The following RGS7 variants were observed in gnomAD, a reference collection of about 807,000 sequenced individuals.
The protein encoded by RGS7 is regulator of G protein signaling 7, also known as regulator of G-protein signaling 7.
A neutral mutation model predicts 81.1 loss-of-function variants in RGS7; 27 were observed. That is an observed-to-expected ratio of 0.33 (90% confidence interval 0.25 to 0.46). The LOEUF (loss-of-function observed/expected upper bound fraction) is 0.46. Among genes scored for constraint, RGS7 ranks in the 20% least tolerant of loss-of-function variants. The pLI is 1.00. For missense variants in RGS7, 396 were observed against 607.4 expected, an observed-to-expected ratio of 0.65 and a Z score of 3.66; for synonymous variants, 208 against 207.7, an observed-to-expected ratio of 1.00 and a Z score of -0.01.
chr1:241,003,814 T>C (rs962881623), intron 3 of RGS7, among the ~76,000 whole-genome samples: 1 of 152,126 alleles, frequency 6.6e-6, no homozygotes, highest in Admixed American at 6.5e-5. Flanking sequence ...AGTAGCACAA[T>C]CTCGGCTCAC....
At chr1:241,080,384 C>A (rs2063064955) in intron 3 of RGS7, among the ~76,000 whole-genome samples, 1 of 151,570 alleles carries the variant, frequency 6.6e-6, no homozygotes, top group African/African-American at 2.4e-5. Context: ...GCTAAGAATT[C>A]AAAAAATACC....
chr1:241,030,373 T>TATATATAC (rs374223475), intron 3 of RGS7, among the ~76,000 whole-genome samples: 11 of 135,238 alleles, frequency 8.1e-5, no homozygotes, highest in Admixed American at 3.0e-4. Context: ...TATATATATA[T>TATATATAC]ACATACACAC....
At chr1:240,880,699 C>T (rs1666221385) in intron 6 of RGS7, among the ~76,000 whole-genome samples, 1 of 152,198 alleles carries the variant, frequency 6.6e-6, no homozygotes, top group South Asian at 2.1e-4. Context: ...AGCCCTCATG[C>T]ATCAATATGG....
chr1:240,822,798 C>T (rs1284862270), intron 10 of RGS7, among the ~76,000 whole-genome samples: 2 of 152,044 alleles, frequency 1.3e-5, no homozygotes, highest in Non-Finnish European at 2.9e-5. Flanking sequence ...TGCTATGATA[C>T]GATGGCCTTA....
chr1:240,912,698 C>T (rs1429872949), intron 6 of RGS7, among the ~76,000 whole-genome samples: 2 of 151,990 alleles, frequency 1.3e-5, no homozygotes, highest in Non-Finnish European at 2.9e-5. Flanking sequence ...ATAAAGCAAT[C>T]ATTCCTTCCT....
chr1:241,180,511 G>A (rs1261053137), intron 2 of RGS7, among the ~76,000 whole-genome samples: 1 of 152,180 alleles, frequency 6.6e-6, no homozygotes, highest in African/African-American at 2.4e-5. Flanking sequence ...TATTTTATGT[G>A]AGAAACCCAC....
chr1:241,356,815 C>G (rs2083610626), intron 1 of RGS7, 84 bp downstream of exon 1: 1 of 150,366 alleles, frequency 6.7e-6, no homozygotes, highest in South Asian at 2.1e-4. Context: ...GCTCCCGCTG[C>G]GCAGAGCGAG....
At chr1:241,020,087 T>C (rs2059464046) in intron 3 of RGS7, among the ~76,000 whole-genome samples, 1 of 152,234 alleles carries the variant, frequency 6.6e-6, no homozygotes, top group Non-Finnish European at 1.5e-5. Flanking sequence ...AATCTCTATG[T>C]GCATTAGTTT....
chr1:241,033,906 C>A (rs906489646), intron 3 of RGS7, among the ~76,000 whole-genome samples: 1 of 151,856 alleles, frequency 6.6e-6, no homozygotes, highest in African/African-American at 2.4e-5. Context: ...AAAAAAGGAA[C>A]CTTACCACAG....
chr1:240,834,916 C>CCA (rs67071227), intron 9 of RGS7, among the ~76,000 whole-genome samples: 4,689 of 144,532 alleles, frequency 0.032, 88 homozygotes, highest in East Asian at 0.059. Context: ...ACCTTACACT[C>CCA]CACACACACA....
chr1:241,072,765 T>C (rs1431142099), intron 3 of RGS7, among the ~76,000 whole-genome samples: 1 of 152,108 alleles, frequency 6.6e-6, no homozygotes, highest in East Asian at 1.9e-4. Context: ...AGCCAGGTAA[T>C]ATGCACACGA....
At chr1:240,879,011 C>T (rs947310535) in intron 6 of RGS7, among the ~76,000 whole-genome samples, 9 of 152,066 alleles carry the variant, frequency 5.9e-5, no homozygotes, top group Non-Finnish European at 8.8e-5. Context: ...AGGGTTGTGG[C>T]GATAGGCACA....
At chr1:241,323,043 G>A (rs1204988989) in intron 2 of RGS7, among the ~76,000 whole-genome samples, 2 of 151,844 alleles carry the variant, frequency 1.3e-5, no homozygotes. Context: ...ATCTTATTAA[G>A]GCAGAAAATA....
At chr1:241,209,202 C>A (rs1361777734) in intron 2 of RGS7, among the ~76,000 whole-genome samples, 1 of 152,176 alleles carries the variant, frequency 6.6e-6, no homozygotes, top group Non-Finnish European at 1.5e-5. Context: ...CCACTTTTAA[C>A]AGTGCTTTGA....
At chr1:240,985,694 T>C (rs1685554033) in intron 3 of RGS7, among the ~76,000 whole-genome samples, 1 of 152,060 alleles carries the variant, frequency 6.6e-6, no homozygotes, top group South Asian at 2.1e-4. Flanking sequence ...GATTTTTAAA[T>C]TGTTAAATTC....
intron 3 of RGS7, among the ~76,000 whole-genome samples, chr1:241,068,238 G>GTGTGTGTATATA: frequency 2.2e-4 from 8 of 35,676 alleles, no homozygotes; most frequent in Middle Eastern, 0.03. Flanking sequence ...GTGTGTGTGT[G>GTGTGTGTATATA]TATATATATA....
At chr1:241,224,625 T>TA (rs2148018456) in intron 2 of RGS7, among the ~76,000 whole-genome samples, 1 of 152,280 alleles carries the variant, frequency 6.6e-6, no homozygotes, top group South Asian at 2.1e-4. Context: ...ACTGAAAACT[T>TA]ACTAGGAGGC....
chr1:240,999,482 T>C (rs1414117226), intron 3 of RGS7, among the ~76,000 whole-genome samples: 2 of 152,218 alleles, frequency 1.3e-5, no homozygotes, highest in African/African-American at 2.4e-5. Context: ...TTGTCATGGA[T>C]ACTTCAAAAT....
intron 9 of RGS7, among the ~76,000 whole-genome samples, chr1:240,859,099 C>A (rs1052974752): frequency 6.6e-6 from 1 of 152,108 alleles, no homozygotes; most frequent in African/African-American, 2.4e-5. Context: ...ATCAGTGAAC[C>A]CATCTGGGCT....
Sources: gnomAD v4.1 joint callset for allele counts (sites outside exome capture counted in the v4.1 genomes callset) on GRCh38, gnomAD v4.1.1 for gene constraint, MANE v1.5 for transcripts, NCBI Gene and HGNC (gene_info 2026-07-23, HGNC 2026-07-21) for gene names.